The following B3GAT1 variants were observed in gnomAD, a reference collection of about 807,000 sequenced individuals.
The protein encoded by B3GAT1 is galactosylgalactosylxylosylprotein 3-beta-glucuronosyltransferase 1.
B3GAT1 carries 11 observed loss-of-function variants against 28.4 expected under a neutral mutation model. The ratio of observed to expected loss-of-function variants is 0.39; its 90% CI spans 0.24 to 0.64. The LOEUF is 0.64. B3GAT1 is among the 30% of genes least tolerant of loss of function. The probability of loss-of-function intolerance (pLI) is 0.50; values close to 1 mark genes in which losing one functional copy is unlikely to be tolerated. For missense variants in B3GAT1, 375 were observed against 491.0 expected (o/e 0.76, Z 2.23); for synonymous variants, 255 against 223.1 (o/e 1.14, Z -1.27).
intron 1 of B3GAT1, among the ~76,000 whole-genome samples, chr11:134,404,144 A>G (rs1029555049): frequency 6.6e-6 from 1 of 151,260 alleles, no homozygotes; most frequent in Non-Finnish European, 1.5e-5. Context: ...AGCATTAGCA[A>G]TATCTCCTAA....
rs1451674242 is a variant in B3GAT1, at chr11:134,412,209, G to C, written c.-684C>G. Among the ~76,000 whole-genome samples the C allele has an allele frequency of 3.4e-5, 5 of 145,342 alleles. No homozygotes were observed. Among genetic ancestry groups the C allele is most frequent in the Admixed American group, 3.4e-4 (5 of 14,712 alleles). ...ACCGGGCCGGCGCAGAGTCCCCGAG[G>C]TGGCGGCGGATGCGCCGGTGCCGCC... On this transcript the variant is annotated 5_prime_UTR_variant, in exon 1 of 6. Coordinates refer to ENST00000312527, the MANE Select transcript of B3GAT1 (RefSeq NM_054025.3).
At chr11:134,404,816 A>G (rs1866768) in intron 1 of B3GAT1, among the ~76,000 whole-genome samples, 39,124 of 152,146 alleles carry the variant, frequency 0.26, 5,918 homozygotes, top group African/African-American at 0.42. Context: ...TAATATCGAC[A>G]GGCGATGAGT....
Position 134,397,151 on chromosome 11 carries a change from G to A in B3GAT1, c.-281-9211C>T, listed in dbSNP as rs185985047. 3.7e-3 allele frequency among the ~76,000 whole-genome samples: 558 copies of A among 152,180 alleles called. 1 individual carries two copies. Among genetic ancestry groups the A allele is most frequent in the Admixed American group, 6.6e-3 (101 of 15,300 alleles). On this transcript the variant is annotated intron_variant, in intron 1 of 5. Transcript: ENST00000312527. ...CCTCAGCTCCTTCCACTGCTGCCCC[G>A]GCCTAGGGCTCCATCCCCTAATCCT...
rs1173021586 is a variant in B3GAT1, at chr11:134,412,108, G to GGGGGCGGGGGGCGGGGAGGT, written c.-584_-583insACCTCCCCGCCCCCCGCCCC. ...AGGCGGGGGGCGGGGGGCGGGGAGGGGGAGCGGGGAGGGGGAGCGGGGAGC... is the reference window on the plus strand; with the variant it reads ...AGGCGGGGGGCGGGGGGCGGGGAGGGGGGGCGGGGGGCGGGGAGGTGGAGCGGGGAGGGGGAGCGGGGAGC... On this transcript the variant is annotated 5_prime_UTR_variant, in exon 1 of 6. Coordinates refer to ENST00000312527, the MANE Select transcript of B3GAT1 (RefSeq NM_054025.3). Among the ~76,000 whole-genome samples, 3 of 107,590 alleles carry GGGGGCGGGGGGCGGGGAGGT rather than the reference G, an allele frequency of 2.8e-5. No individual in the cohort carries two copies. Among genetic ancestry groups the GGGGGCGGGGGGCGGGGAGGT allele is most frequent in the Non-Finnish European group, 5.9e-5 (3 of 50,896 alleles). 70.6% of individuals were successfully genotyped at this position (107,590 alleles called of 152,430 possible).
chr11:134,403,797 C>T (rs1358839575), intron 1 of B3GAT1, among the ~76,000 whole-genome samples: 7 of 151,508 alleles, frequency 4.6e-5, no homozygotes, highest in African/African-American at 1.2e-4. Flanking sequence ...CTGACATGGA[C>T]GAATCTTGAG....
Position 134,412,002 on chromosome 11 carries a change from C to A in B3GAT1, c.-477G>T, listed in dbSNP as rs979572715. On this transcript the variant is annotated 5_prime_UTR_variant, in exon 1 of 6. Coordinates refer to ENST00000312527, the MANE Select transcript of B3GAT1 (RefSeq NM_054025.3). ...GCCCGCCCGCCCCGCCCGGCCCCGC[C>A]GCCCCGGCCCGGCTCGTTCTGGGCT... is the stretch of plus-strand genomic sequence containing the variant. 1 of 145,788 alleles carries A rather than the reference C, an allele frequency of 6.9e-6. No individual in the cohort carries two copies. The highest frequency in any genetic ancestry group is 1.5e-5 in the Non-Finnish European group (1 of 65,548). 9.0% of individuals were successfully genotyped at this position (145,788 alleles called of 1,614,324 possible).
At position 134,393,348 on chromosome 11, in the gene B3GAT1, G is replaced by A. The variant is rs1434855285; in HGVS notation, c.-281-5408C>T. Among the ~76,000 whole-genome samples, 9 of 152,248 alleles carry A rather than the reference G, an allele frequency of 5.9e-5. No individual in the cohort carries two copies. Among genetic ancestry groups the A allele is most frequent in the Non-Finnish European group, 7.3e-5 (5 of 68,028 alleles). On this transcript the variant is annotated intron_variant, in intron 1 of 5. Coordinates refer to ENST00000312527, the MANE Select transcript of B3GAT1 (RefSeq NM_054025.3). The surrounding 1 kb of genome is among the most constrained non-coding windows in gnomAD (Gnocchi z 4.0). Reference sequence around the variant, plus strand: ...ATGCTAATTTTTCCCAAATCCGAACGACCCATCCTTGCTGGCTCTCAGCAC... The same window carrying A: ...ATGCTAATTTTTCCCAAATCCGAACAACCCATCCTTGCTGGCTCTCAGCAC...
In B3GAT1 at chr11:134,412,092, G is replaced by A. The variant is rs1244122618; in HGVS notation, c.-567C>T. On this transcript the variant is annotated 5_prime_UTR_variant, in exon 1 of 6. Coordinates refer to ENST00000312527, the MANE Select transcript of B3GAT1 (RefSeq NM_054025.3). ...GAGGGCGCGGGCAGGGAGGCGGGGG[G>A]CGGGGGGCGGGGAGGGGGAGCGGGG... is the stretch of plus-strand genomic sequence containing the variant. Among the ~76,000 whole-genome samples the A allele has an allele frequency of 7.0e-6, 1 of 142,854 alleles. No homozygotes were observed. Among genetic ancestry groups the A allele is most frequent in the Non-Finnish European group, 1.6e-5 (1 of 64,374 alleles). 93.7% of individuals were successfully genotyped at this position (142,854 alleles called of 152,430 possible).
chr11:134,410,984 C>T (rs183683908), intron 1 of B3GAT1, among the ~76,000 whole-genome samples: 7 of 152,340 alleles, frequency 4.6e-5, no homozygotes, highest in African/African-American at 1.7e-4. Flanking sequence ...AGAATCCATG[C>T]AGCTAGGCCT....
rs749918478 is a variant in B3GAT1, at chr11:134,384,194, G to C, written c.113-6C>G. On this transcript the variant is annotated splice_region_variant and splice_polypyrimidine_tract_variant and intron_variant, in intron 2 of 5. Coordinates refer to ENST00000312527, the MANE Select transcript of B3GAT1 (RefSeq NM_054025.3). ...TCGGGGGTCACTGCCCTCATCTGCG[G>C]AGTCGGGAGACCGGCGATGTGGGAG... 1.3e-5 allele frequency: 20 copies of C among 1,529,194 alleles called. No individual in the cohort carries two copies. The highest frequency in any genetic ancestry group is 2.6e-6 in the Non-Finnish European group (3 of 1,139,052). The allele number at this position is 1,529,194 out of a possible 1,614,324, so 94.7% of individuals were successfully genotyped here.
rs117593140 is a variant in B3GAT1 at position 134,393,081 on chromosome 11, C to T, written c.-281-5141G>A. ...GTGAACGCAAAATGTTCCCAAAGGCCTGCATGCGTGTGCGTGGTAGGTTAC... is the reference window on the plus strand; with the variant it reads ...GTGAACGCAAAATGTTCCCAAAGGCTTGCATGCGTGTGCGTGGTAGGTTAC... On this transcript the variant is annotated intron_variant, in intron 1 of 5. Transcript: ENST00000312527. The surrounding 1 kb of genome is among the most constrained non-coding windows in gnomAD (Gnocchi z 4.0). Among the ~76,000 whole-genome samples, 285 of 152,302 alleles carry T rather than the reference C, an allele frequency of 1.9e-3. 1 individual carries two copies. Among genetic ancestry groups the T allele is most frequent in the Middle Eastern group, 0.017 (5 of 294 alleles).
chr11:134,399,225 C>T (rs1039952537), intron 1 of B3GAT1, among the ~76,000 whole-genome samples: 3 of 152,162 alleles, frequency 2.0e-5, no homozygotes, highest in East Asian at 1.9e-4. Context: ...TAGAATCAGC[C>T]GTGCACATCA....
In B3GAT1 at chr11:134,380,143, G is replaced by A. The variant is rs555379690; in HGVS notation, c.*619C>T. 6.6e-6 allele frequency: 1 copy of A among 152,500 alleles called. No individual in the cohort carries two copies. The highest frequency in any genetic ancestry group is 1.9e-4 in the East Asian group (1 of 5,174). 9.4% of individuals were successfully genotyped at this position (152,500 alleles called of 1,614,324 possible). A position where few individuals can be genotyped will look rare whatever the true frequency, so the allele number is the denominator to read the frequency against. On this transcript the variant is annotated 3_prime_UTR_variant, in exon 6 of 6. Coordinates refer to ENST00000312527, the MANE Select transcript of B3GAT1 (RefSeq NM_054025.3). ...CCCATGCAGGGCTGGGTGCCTGTTGGGATCCAAGACAGCCTTATGCTCTGT... is the reference window on the plus strand; with the variant it reads ...CCCATGCAGGGCTGGGTGCCTGTTGAGATCCAAGACAGCCTTATGCTCTGT...
chr11:134,383,619 G>C, intron 3 of B3GAT1, 61 bp downstream of exon 3: 5 of 1,452,330 alleles, frequency 3.4e-6, no homozygotes, highest in Non-Finnish European at 4.5e-6. Context: ...CCCCTTCTCG[G>C]GAAGCCCCTC....
At chr11:134,382,139 G>T in intron 4 of B3GAT1, 115 bp from the exon 5 acceptor site, 2 of 802,130 alleles carry the variant, frequency 2.5e-6, no homozygotes, top group East Asian at 2.6e-5. Context: ...TTTCCTTCGA[G>T]AGTTTTTCAA....
intron 1 of B3GAT1, among the ~76,000 whole-genome samples, chr11:134,404,002 TA>T (rs1944675162): frequency 5.7e-5 from 5 of 86,978 alleles, no homozygotes; most frequent in Non-Finnish European, 9.9e-5. Context: ...TATATATATA[TA>T]TATATATATA....
chr11:134,402,369 C>T (rs1427451949), intron 1 of B3GAT1, among the ~76,000 whole-genome samples: 1 of 152,184 alleles, frequency 6.6e-6, no homozygotes, highest in Non-Finnish European at 1.5e-5. Context: ...CTTCTCTTCT[C>T]CTGCCTCCAG....
Position 134,383,997 on chromosome 11 carries a change from G to C in B3GAT1, c.304C>G (p.Leu102Val). 6.2e-7 allele frequency: 1 copy of C among 1,604,560 alleles called. No homozygotes were observed. Among genetic ancestry groups the C allele is most frequent in the Non-Finnish European group, 8.5e-7 (1 of 1,178,954 alleles). The change falls in exon 3 of 6, where the codon CTG (leucine) becomes GTG (valine). Residue 102 changes from leucine (L) to valine (V), a missense_variant. Leu to Val is a conservative substitution (Grantham distance 32). Transcript: ENST00000312527. ...AGCAGCGTGTTGGCCATGCGCGTCA[G>C]CTCGGCCTTCTGCACCGGGCGGCTG... ...TYSRPVQKAELTRMANTLLHV... is the reference protein window; with the variant it reads ...TYSRPVQKAEVTRMANTLLHV...
chr11:134,408,287 G>A (rs1191778778), intron 1 of B3GAT1, among the ~76,000 whole-genome samples: 1 of 111,550 alleles, frequency 9.0e-6, no homozygotes, highest in East Asian at 2.6e-4. Flanking sequence ...AGTGGGGTGA[G>A]GAGGGAGGTG....
Sources: allele counts gnomAD v4.1 joint callset (sites outside exome capture counted in the v4.1 genomes callset), GRCh38; gene constraint gnomAD v4.1.1; non-coding constraint Gnocchi (gnomAD v3.1); transcripts MANE v1.5; gene names NCBI Gene and HGNC (gene_info 2026-07-23, HGNC 2026-07-21).